API5: variants seen among roughly 807,000 people sequenced by gnomAD.
API5 encodes the protein FIF.
Under a neutral mutation model 71.9 loss-of-function variants are expected in API5, and 6 were observed. The observed-to-expected ratio is 0.08, with a 90% CI of 0.05 to 0.16. API5 has a LOEUF of 0.16. Ranked by LOEUF, API5 falls within the 10% of genes least tolerant of loss-of-function variation. The pLI is 1.00. For synonymous variants in API5, 189 were observed against 221.3 expected (o/e 0.85, Z 1.30); for missense variants, 332 against 612.8 (o/e 0.54, Z 4.84).
At chr11:43,332,635 G>A (rs937706443) in intron 11 of API5, among the ~76,000 whole-genome samples, 6 of 152,032 alleles carry the variant, frequency 3.9e-5, no homozygotes, top group Admixed American at 6.6e-5. Flanking sequence ...CTCCCAGCAC[G>A]TGGGTGTGTT....
rs1414775163 is a variant in API5 at position 43,323,356 on chromosome 11, C to G, written c.544-74C>G. ...GACTTTAGTAACTGAAATAAATTAG[C>G]TATTCTCTTTCAGTGTTGATCTGTC... On this transcript the variant is annotated intron_variant, in intron 5 of 13. Transcript: ENST00000531273. 4 of 1,299,950 alleles carry G rather than the reference C, an allele frequency of 3.1e-6. No homozygotes were observed. In the Admixed American group the frequency reaches 5.7e-5, roughly 18 times the overall value. The allele number at this position is 1,299,950 out of a possible 1,614,324, so 80.5% of individuals were successfully genotyped here. A position where few individuals can be genotyped will look rare whatever the true frequency, so the allele number is the denominator to read the frequency against.
chr11:43,319,652 A>G (rs1854798495), intron 2 of API5, among the ~76,000 whole-genome samples: 1 of 152,048 alleles, frequency 6.6e-6, no homozygotes, highest in Non-Finnish European at 1.5e-5. Context: ...GCCTCAAGCT[A>G]TCCTCCCACC....
chr11:43,328,757 G>A lies in API5; in HGVS notation c.991G>A (p.Ala331Thr), dbSNP rs758955540. Reference sequence around the variant, plus strand: ...AGAAGAGGCAGAAAATGGAGAGAATGCTGGTAATGAAGAACCCAAGCTACA... The same window carrying A: ...AGAAGAGGCAGAAAATGGAGAGAATACTGGTAATGAAGAACCCAAGCTACA... ...PPEEAENGEN[A>T]GNEEPKLQFS... The change falls in exon 9 of 14, where the codon GCT (alanine) becomes ACT (threonine). Residue 331 changes from alanine (A) to threonine (T), a missense_variant. Ala to Thr is a moderately conservative substitution (Grantham distance 58). Coordinates refer to ENST00000531273, the MANE Select transcript of API5 (RefSeq NM_001142930.2). 2 of 1,613,918 alleles carry A rather than the reference G, an allele frequency of 1.2e-6. No individual in the cohort carries two copies. The highest frequency in any genetic ancestry group is 2.2e-5 in the South Asian group (2 of 91,076).
intron 11 of API5, among the ~76,000 whole-genome samples, chr11:43,332,579 C>T (rs1855292877): frequency 6.6e-6 from 1 of 152,098 alleles, no homozygotes; most frequent in Admixed American, 6.6e-5. Flanking sequence ...CTTGAAGAGT[C>T]CTGAGTGCAG....
intron 11 of API5, among the ~76,000 whole-genome samples, chr11:43,333,411 C>T (rs939171745): frequency 1.3e-5 from 2 of 152,078 alleles, no homozygotes; most frequent in African/African-American, 4.8e-5. Context: ...GGTCAGTGCT[C>T]CTAGTATGGG....
chr11:43,314,394 A>G (rs1854598611), intron 1 of API5, among the ~76,000 whole-genome samples: 1 of 152,180 alleles, frequency 6.6e-6, no homozygotes, highest in African/African-American at 2.4e-5. Flanking sequence ...TTTCCTTCTC[A>G]TGTCATCTTT....
In API5 at chr11:43,318,912, A is replaced by G. The variant is rs562532162; in HGVS notation, c.231+111A>G. On this transcript the variant is annotated intron_variant, in intron 2 of 13. Coordinates refer to ENST00000531273, the MANE Select transcript of API5 (RefSeq NM_001142930.2). Reference sequence around the variant, plus strand: ...AGAGTACACAATAAAATACTATGGTATGGTCTGGCATGGCATCACACCCAG... The same window carrying G: ...AGAGTACACAATAAAATACTATGGTGTGGTCTGGCATGGCATCACACCCAG... The G allele has an allele frequency of 2.0e-3, 2,156 of 1,070,404 alleles. 3 individuals carry two copies. The highest frequency in any genetic ancestry group is 2.7e-3 in the Non-Finnish European group (2,012 of 758,400). The allele number at this position is 1,070,404 out of a possible 1,614,324, so 66.3% of individuals were successfully genotyped here.
chr11:43,312,284 G>T, intron 1 of API5, 88 bp downstream of exon 1: 1 of 1,439,420 alleles, frequency 6.9e-7, no homozygotes, highest in South Asian at 1.2e-5. Context: ...GGCCGAGCGG[G>T]GGCTGCGGCT....
intron 1 of API5, among the ~76,000 whole-genome samples, chr11:43,312,934 C>T (rs1378405532): frequency 6.6e-6 from 1 of 151,940 alleles, no homozygotes; most frequent in Non-Finnish European, 1.5e-5. Flanking sequence ...TGGTGAAACC[C>T]TGTCTCTACT....
chr11:43,313,123 G>GT (rs1320755217), intron 1 of API5, among the ~76,000 whole-genome samples: 18 of 151,342 alleles, frequency 1.2e-4, no homozygotes, highest in African/African-American at 2.4e-4. Flanking sequence ...AAAAAAAAAG[G>GT]TTTTTTTTAA....
intron 9 of API5, chr11:43,329,318 C>G (rs1346515675): frequency 6.3e-6 from 1 of 159,812 alleles, no homozygotes; most frequent in Non-Finnish European, 1.4e-5. Flanking sequence ...GCACTCCTGT[C>G]TGGGCGATGA....
intron 11 of API5, chr11:43,331,900 A>G (rs910145827): frequency 5.3e-5 from 8 of 152,222 alleles, no homozygotes; most frequent in Non-Finnish European, 1.0e-4. Flanking sequence ...TTTATTACAA[A>G]TCTTAAATAC....
chr11:43,312,344 GC>G, intron 1 of API5, 148 bp downstream of exon 1: 1 of 830,516 alleles, frequency 1.2e-6, no homozygotes, highest in Non-Finnish European at 1.9e-6. Flanking sequence ...GTCGGGGTGG[GC>G]CTCTCTGGGA....
intron 12 of API5, 45 bp downstream of exon 12, chr11:43,335,399 A>G (rs1157461939): frequency 8.2e-7 from 1 of 1,225,228 alleles, no homozygotes; most frequent in East Asian, 2.3e-5. Flanking sequence ...TCAAAACTTA[A>G]TACGAGTTAC....
chr11:43,321,270 T>G (rs1854881166), intron 3 of API5, 141 bp from the exon 4 acceptor site: 16 of 725,446 alleles, frequency 2.2e-5, no homozygotes, highest in Non-Finnish European at 3.6e-5. Context: ...ACGTATCTTT[T>G]TGGTACTTGA....
In API5 at chr11:43,342,657, A is replaced by G. The variant is rs1181264604; in HGVS notation, c.*147A>G. On this transcript the variant is annotated 3_prime_UTR_variant, in exon 14 of 14. Coordinates refer to ENST00000531273, the MANE Select transcript of API5 (RefSeq NM_001142930.2). Reference sequence around the variant, plus strand: ...CTTTATACCTTTGTATGTATGACCTACTTTTGTAACAGACCATGGTTGTGT... The same window carrying G: ...CTTTATACCTTTGTATGTATGACCTGCTTTTGTAACAGACCATGGTTGTGT... 2.5e-6 allele frequency: 2 copies of G among 801,394 alleles called. No individual in the cohort carries two copies. The highest frequency in any genetic ancestry group is 4.2e-6 in the Non-Finnish European group (2 of 471,886). The allele number at this position is 801,394 out of a possible 1,614,324, so 49.6% of individuals were successfully genotyped here. A position where few individuals can be genotyped will look rare whatever the true frequency, so the allele number is the denominator to read the frequency against.
chr11:43,322,782 T>C (rs1854938926), intron 5 of API5, among the ~76,000 whole-genome samples: 1 of 152,218 alleles, frequency 6.6e-6, no homozygotes, highest in Admixed American at 6.5e-5. Flanking sequence ...ACTTCCTTAT[T>C]GATAAGATTA....
At chr11:43,335,559 T>G (rs1024465608) in intron 12 of API5, among the ~76,000 whole-genome samples, 1 of 152,168 alleles carries the variant, frequency 6.6e-6, no homozygotes, top group Non-Finnish European at 1.5e-5. Context: ...TCAGCCTTAC[T>G]TGTATTCCTG....
chr11:43,318,020 G>T (rs373812972), intron 1 of API5, among the ~76,000 whole-genome samples: 58 of 149,686 alleles, frequency 3.9e-4, no homozygotes, highest in African/African-American at 1.3e-3. Flanking sequence ...GTTTTGTTTT[G>T]TTTTTTGGAG....
Sources: allele counts gnomAD v4.1 joint callset (sites outside exome capture counted in the v4.1 genomes callset), GRCh38; gene constraint gnomAD v4.1.1; transcripts MANE v1.5; gene names NCBI Gene and HGNC (gene_info 2026-07-23, HGNC 2026-07-21).